ST8SIA1: variants seen among roughly 807,000 people sequenced by gnomAD.
ST8SIA1 encodes alpha-N-acetylneuraminide alpha-2,8-sialyltransferase.
Under a neutral mutation model 35.9 loss-of-function variants are expected in ST8SIA1, and 16 were observed. That is an observed-to-expected ratio of 0.45 (90% CI 0.30 to 0.68). The LOEUF (loss-of-function observed/expected upper bound fraction) is 0.68, where lower values mean the gene tolerates loss of function less well. Among genes scored for constraint, ST8SIA1 ranks in the 30% least tolerant of loss-of-function variants. The probability of loss-of-function intolerance (pLI) is 0.09; values close to 1 mark genes in which losing one functional copy is unlikely to be tolerated. For missense variants in ST8SIA1, 383 were observed against 453.6 expected, an observed-to-expected ratio of 0.84 and a Z score of 1.41; for synonymous variants, 170 against 169.6, an observed-to-expected ratio of 1.00 and a Z score of -0.02.
At chr12:22,324,498 A>C (rs1387058809) in intron 1 of ST8SIA1, 34 of 152,196 alleles carry the variant, frequency 2.2e-4, no homozygotes, top group Non-Finnish European at 1.6e-4. Flanking sequence ...CAGCCATTAG[A>C]AGAGATGATG....
At chr12:22,236,033 C>T (rs1865473079) in intron 4 of ST8SIA1, among the ~76,000 whole-genome samples, 2 of 152,308 alleles carry the variant, frequency 1.3e-5, no homozygotes. Context: ...TCAGGACACG[C>T]ACTCTCTGAA....
At chr12:22,304,197 AAGG>A (rs1445394276) in intron 1 of ST8SIA1, among the ~76,000 whole-genome samples, 1 of 152,182 alleles carries the variant, frequency 6.6e-6, no homozygotes, top group Non-Finnish European at 1.5e-5. Context: ...GATTTTTTTT[AAGG>A]AGCTCAGTGG....
At position 22,229,253 on chromosome 12, in the gene ST8SIA1, T is replaced by C. The variant is rs1305878377; in HGVS notation, c.584+19753A>G. The stretch of plus-strand genomic sequence containing the variant: ...CTGAGACAGCAACAGAGTTCATGGA[T>C]AATGTAAAAGTGATATTAACAGTGT... On this transcript the variant is annotated intron_variant, in intron 4 of 4. Transcript: ENST00000396037. 3.3e-5 allele frequency among the ~76,000 whole-genome samples: 5 copies of C among 152,016 alleles called. No homozygotes were observed. In the East Asian group the frequency reaches 9.7e-4, roughly 29 times the overall value.
intron 2 of ST8SIA1, among the ~76,000 whole-genome samples, chr12:22,284,983 T>A (rs1347760931): frequency 6.6e-6 from 1 of 152,244 alleles, no homozygotes. Context: ...TGAGGAGCTG[T>A]TAAAGGAGAT....
chr12:22,274,180 C>T (rs1364678536), intron 2 of ST8SIA1, among the ~76,000 whole-genome samples: 1 of 152,130 alleles, frequency 6.6e-6, no homozygotes, highest in Non-Finnish European at 1.5e-5. Flanking sequence ...GATGCTGGAG[C>T]CACAGGAAGA....
At chr12:22,249,220 GTTTTTT>G in intron 3 of ST8SIA1, 122 bp from the exon 4 acceptor site, 2 of 439,360 alleles carry the variant, frequency 4.6e-6, no homozygotes, top group South Asian at 2.3e-5. Context: ...TTTGTTTTTT[GTTTTTT>G]TTTTTTTTTT....
chr12:22,289,666 C>A (rs112631589), intron 1 of ST8SIA1, among the ~76,000 whole-genome samples: 1 of 152,144 alleles, frequency 6.6e-6, no homozygotes, highest in African/African-American at 2.4e-5. Flanking sequence ...GGTCTTTGTA[C>A]CTCACATCAG....
intron 1 of ST8SIA1, among the ~76,000 whole-genome samples, chr12:22,308,786 T>C (rs985441452): frequency 6.6e-6 from 1 of 152,142 alleles, no homozygotes; most frequent in African/African-American, 2.4e-5. Context: ...AATTTCTCCT[T>C]CTTATAAGTC....
intron 4 of ST8SIA1, among the ~76,000 whole-genome samples, chr12:22,239,021 C>T (rs1208166959): frequency 6.6e-6 from 1 of 152,208 alleles, no homozygotes; most frequent in African/African-American, 2.4e-5. Context: ...TCTCTCTCAG[C>T]ACTTTGAAGA....
intron 2 of ST8SIA1, among the ~76,000 whole-genome samples, chr12:22,266,077 A>C (rs1431930178): frequency 6.6e-6 from 1 of 152,074 alleles, no homozygotes; most frequent in Admixed American, 6.6e-5. Context: ...CCTCAGACAC[A>C]GCCTGAATTT....
chr12:22,298,068 T>G (rs1866269307), intron 1 of ST8SIA1, among the ~76,000 whole-genome samples: 1 of 152,198 alleles, frequency 6.6e-6, no homozygotes. Flanking sequence ...GAATAGCTTC[T>G]GTATAGCTGA....
intron 4 of ST8SIA1, among the ~76,000 whole-genome samples, chr12:22,215,051 G>C (rs1034370916): frequency 6.6e-6 from 1 of 151,990 alleles, no homozygotes; most frequent in Non-Finnish European, 1.5e-5. Context: ...TGGTAGTCTG[G>C]GTTCCTTCTC....
intron 4 of ST8SIA1, among the ~76,000 whole-genome samples, chr12:22,213,168 G>A (rs113036755): frequency 7.9e-5 from 12 of 151,922 alleles, no homozygotes; most frequent in South Asian, 2.1e-4. Context: ...CCAATCAGCC[G>A]CACCCATTCC....
intron 2 of ST8SIA1, among the ~76,000 whole-genome samples, chr12:22,258,158 C>T (rs973426689): frequency 6.6e-6 from 1 of 152,054 alleles, no homozygotes; most frequent in African/African-American, 2.4e-5. Context: ...GAGAAATCAG[C>T]GATGATGCCA....
chr12:22,314,172 GACA>G (rs1866486525), intron 1 of ST8SIA1, among the ~76,000 whole-genome samples: 1 of 152,046 alleles, frequency 6.6e-6, no homozygotes, highest in South Asian at 2.1e-4. Context: ...CAGAGAAACT[GACA>G]ACATGGCTAC....
chr12:22,325,411 G>A (rs1005816567), intron 1 of ST8SIA1: 17 of 701,012 alleles, frequency 2.4e-5, no homozygotes, highest in Non-Finnish European at 3.4e-5. Context: ...TAATTAGAGC[G>A]ACACAGCTCT....
chr12:22,334,297 G>T lies in ST8SIA1; in HGVS notation c.-65C>A. On this transcript the variant is annotated 5_prime_UTR_variant, in exon 1 of 5. Transcript: ENST00000396037. ...GCACAAAGCTAGGCGAAGTGGCAGC[G>T]GAGGGTCCCCCACCGCCAGCCCCCC... is the stretch of plus-strand genomic sequence containing the variant. 7.4e-7 allele frequency: 1 copy of T among 1,345,190 alleles called. No homozygotes were observed. The highest frequency in any genetic ancestry group is 1.0e-6 in the Non-Finnish European group (1 of 967,438). The allele number at this position is 1,345,190 out of a possible 1,614,324, so 83.3% of individuals were successfully genotyped here. A position where few individuals can be genotyped will look rare whatever the true frequency, so the allele number is the denominator to read the frequency against.
intron 4 of ST8SIA1, among the ~76,000 whole-genome samples, chr12:22,234,985 A>C (rs180937826): frequency 1.3e-5 from 2 of 152,294 alleles, no homozygotes; most frequent in Non-Finnish European, 2.9e-5. Context: ...CCTTGTCAAC[A>C]ATTTGCATTG....
chr12:22,213,114 G>T, intron 4 of ST8SIA1, among the ~76,000 whole-genome samples: 1 of 152,134 alleles, frequency 6.6e-6, no homozygotes, highest in East Asian at 1.9e-4. Flanking sequence ...AAACTGACTC[G>T]GGACATGAAG....
Sources: gnomAD v4.1 joint callset for allele counts (sites outside exome capture counted in the v4.1 genomes callset) on GRCh38, gnomAD v4.1.1 for gene constraint, MANE v1.5 for transcripts, NCBI Gene and HGNC (gene_info 2026-07-23, HGNC 2026-07-21) for gene names.